Variants in MAGI3 observed in about 807,000 individuals in gnomAD.
The protein encoded by MAGI3 is membrane-associated guanylate kinase, WW and PDZ domain-containing protein 3.
In MAGI3, 43 loss-of-function variants were observed where a neutral mutation model predicts 121.8. The ratio of observed to expected loss-of-function variants is 0.35; its 90% confidence interval spans 0.28 to 0.46. MAGI3 has a LOEUF of 0.46. Among genes scored for constraint, MAGI3 ranks in the 20% least tolerant of loss-of-function variants. MAGI3 has a pLI of 1.00. For synonymous variants in MAGI3, 553 were observed against 639.3 expected (o/e 0.86, Z 2.04); for missense variants, 1,547 against 1,797.3 (o/e 0.86, Z 2.52).
chr1:113,633,688 A>G (rs536955485), intron 9 of MAGI3, among the ~76,000 whole-genome samples: 2 of 152,324 alleles, frequency 1.3e-5, no homozygotes, highest in Admixed American at 1.3e-4. Context: ...TAGTGCCACA[A>G]TAAACATACT....
At chr1:113,416,380 A>C (rs12025618) in intron 1 of MAGI3, among the ~76,000 whole-genome samples, 1 of 116,642 alleles carries the variant, frequency 8.6e-6, no homozygotes, top group African/African-American at 3.2e-5. Context: ...TTAATATATT[A>C]ATAATATATA....
chr1:113,400,107 T>C (rs1651324987), intron 1 of MAGI3, among the ~76,000 whole-genome samples: 2 of 152,116 alleles, frequency 1.3e-5, no homozygotes, highest in Admixed American at 1.3e-4. Context: ...ACCAAAAATG[T>C]TATTTGGCAG....
At chr1:113,524,979 A>G (rs911763641) in intron 1 of MAGI3, among the ~76,000 whole-genome samples, 1 of 152,114 alleles carries the variant, frequency 6.6e-6, no homozygotes, top group Non-Finnish European at 1.5e-5. Flanking sequence ...GATAGTGAGT[A>G]AGTCTTATGA....
intron 1 of MAGI3, among the ~76,000 whole-genome samples, chr1:113,440,739 A>G (rs369675535): frequency 1.3e-5 from 2 of 152,160 alleles, no homozygotes; most frequent in Admixed American, 1.3e-4. Flanking sequence ...GGTGATGATG[A>G]TGCTATGTGA....
At chr1:113,632,804 A>C (rs76270148) in intron 9 of MAGI3, among the ~76,000 whole-genome samples, 3,658 of 152,326 alleles carry the variant, frequency 0.024, 157 homozygotes, top group African/African-American at 0.083. Flanking sequence ...CTCATAAATT[A>C]ACATCATTCT....
rs1293669313 is a variant in MAGI3 at position 113,654,025 on chromosome 1, G to A, written c.2629+7G>A. On this transcript the variant is annotated splice_region_variant and intron_variant, in intron 15 of 20. Transcript: ENST00000307546. ...AACAAACCACCTCCAGGAGGTAAGG[G>A]CTATTGTATCTTATTGTCTCTCCCT... 1 of 1,605,816 alleles carries A rather than the reference G, an allele frequency of 6.2e-7. No individual in the cohort carries two copies. Among genetic ancestry groups the A allele is most frequent in the East Asian group, 2.2e-5 (1 of 44,626 alleles).
chr1:113,494,972 T>TA (rs758566513), intron 1 of MAGI3, among the ~76,000 whole-genome samples: 5 of 152,154 alleles, frequency 3.3e-5, no homozygotes, highest in East Asian at 3.8e-4. Context: ...GGCACATATT[T>TA]AAAAAAACAA....
intron 7 of MAGI3, among the ~76,000 whole-genome samples, chr1:113,619,530 A>T (rs1224645575): frequency 6.6e-6 from 1 of 152,176 alleles, no homozygotes; most frequent in Non-Finnish European, 1.5e-5. Flanking sequence ...ATAATATCAA[A>T]AGCTTCACAG....
At chr1:113,514,338 C>T (rs1439788050) in intron 1 of MAGI3, among the ~76,000 whole-genome samples, 1 of 152,232 alleles carries the variant, frequency 6.6e-6, no homozygotes, top group Middle Eastern at 3.4e-3. Context: ...ATGTTTATTG[C>T]AGCACTATTC....
At chr1:113,482,210 T>TTGATGG (rs1656146037) in intron 1 of MAGI3, among the ~76,000 whole-genome samples, 2 of 152,162 alleles carry the variant, frequency 1.3e-5, no homozygotes, top group South Asian at 2.1e-4. Flanking sequence ...GACTTTACTG[T>TTGATGG]TGATGGTGAT....
chr1:113,603,867 G>A (rs1418835816), intron 6 of MAGI3, among the ~76,000 whole-genome samples: 2 of 152,074 alleles, frequency 1.3e-5, no homozygotes, highest in African/African-American at 4.8e-5. Flanking sequence ...CTCAAAAGAA[G>A]ATACACAAAT....
At chr1:113,554,510 G>A (rs1557820294) in intron 2 of MAGI3, among the ~76,000 whole-genome samples, 1 of 151,572 alleles carries the variant, frequency 6.6e-6, no homozygotes, top group Admixed American at 6.6e-5. Flanking sequence ...CTTCTGCAAT[G>A]AAGTACCAGT....
intron 6 of MAGI3, among the ~76,000 whole-genome samples, chr1:113,596,994 C>T (rs1217227): frequency 0.74 from 111,910 of 151,994 alleles, 41,733 homozygotes; most frequent in African/African-American, 0.78. Flanking sequence ...GGAATGAAAA[C>T]AAAAGTCCTC....
At chr1:113,592,398 T>A (rs1453001098) in intron 5 of MAGI3, among the ~76,000 whole-genome samples, 1 of 152,260 alleles carries the variant, frequency 6.6e-6, no homozygotes, top group African/African-American at 2.4e-5. Context: ...TTGGGTAAAA[T>A]TTTAGCAAAT....
chr1:113,654,105 T>C (rs1213999151), intron 15 of MAGI3, 87 bp downstream of exon 15: 5 of 1,049,560 alleles, frequency 4.8e-6, no homozygotes, highest in African/African-American at 3.2e-5. Context: ...TTAGGAGCTA[T>C]GTATAAAATG....
chr1:113,670,093 C>A (rs1647448042), intron 16 of MAGI3, among the ~76,000 whole-genome samples: 1 of 151,880 alleles, frequency 6.6e-6, no homozygotes. Flanking sequence ...AAACACAACC[C>A]TCTGGGTAAG....
intron 1 of MAGI3, among the ~76,000 whole-genome samples, chr1:113,448,912 A>G (rs912701866): frequency 6.6e-6 from 1 of 152,182 alleles, no homozygotes; most frequent in Non-Finnish European, 1.5e-5. Flanking sequence ...TGAGGTCGGG[A>G]GTTCAAGAGC....
Position 113,510,355 on chromosome 1 carries a change from C to CTT in MAGI3, c.317-39143_317-39142dup, listed in dbSNP as rs34379798. ...AAATACATTTAATCCTAGGCCTTGACTTTTTTTTTTTTTTTTTTACATTCT... is the reference window on the plus strand; with the variant it reads ...AAATACATTTAATCCTAGGCCTTGACTTTTTTTTTTTTTTTTTTTTACATTCT... On this transcript the variant is annotated intron_variant, in intron 1 of 20. Transcript: ENST00000307546. Among the ~76,000 whole-genome samples, 259 of 133,348 alleles carry CTT rather than the reference C, an allele frequency of 1.9e-3. 2 individuals carry two copies. Among genetic ancestry groups the CTT allele is most frequent in the East Asian group, 8.7e-3 (39 of 4,476 alleles). The allele number at this position is 133,348 out of a possible 152,430, so 87.5% of individuals were successfully genotyped here. A position where few individuals can be genotyped will look rare whatever the true frequency, so the allele number is the denominator to read the frequency against.
chr1:113,561,854 T>C (rs1660250313), intron 2 of MAGI3, among the ~76,000 whole-genome samples: 1 of 152,164 alleles, frequency 6.6e-6, no homozygotes, highest in Non-Finnish European at 1.5e-5. Flanking sequence ...ATCTCCTATA[T>C]CTAGAAAATT....
Sources: allele counts gnomAD v4.1 joint callset (sites outside exome capture counted in the v4.1 genomes callset), GRCh38; gene constraint gnomAD v4.1.1; transcripts MANE v1.5; gene names NCBI Gene and HGNC (gene_info 2026-07-23, HGNC 2026-07-21).